KRT6A: variants seen among roughly 807,000 people sequenced by gnomAD.
The protein encoded by KRT6A is keratin, type II cytoskeletal 6A.
A neutral mutation model predicts 48.6 loss-of-function variants in KRT6A; 28 were observed. That is an observed-to-expected ratio of 0.58 (90% CI 0.43 to 0.79). The LOEUF is 0.79. Ranked by LOEUF, KRT6A falls within the 30% of genes least tolerant of loss-of-function variation. The probability of loss-of-function intolerance (pLI) is 0.00; values close to 1 mark genes in which losing one functional copy is unlikely to be tolerated. For missense variants in KRT6A, 687 were observed against 724.3 expected (o/e 0.95, Z 0.59); for synonymous variants, 301 against 294.2 (o/e 1.02, Z -0.24).
chr12:52,489,982 G>T lies in KRT6A; in HGVS notation c.1164C>A (p.Ile388=). 5 of 1,614,038 alleles carry T rather than the reference G, an allele frequency of 3.1e-6. No homozygotes were observed. The highest frequency in any genetic ancestry group is 4.2e-6 in the Non-Finnish European group (5 of 1,180,026). The change falls in exon 6 of 9, where the codon ATC becomes ATA. Residue 388 remains isoleucine (I), a synonymous_variant. Transcript: ENST00000330722. ...KQEIAEINRM[I]QRLRSEIDHV... ...GGTCGATCTCAGATCTCAGCCTCTG[G>T]ATCATGCGGTTGATCTCAGCAATCT... is the stretch of plus-strand genomic sequence containing the variant.
rs543024288 is a variant in KRT6A at position 52,490,134 on chromosome 12, C to A, written c.1078-66G>T. 1.8e-4 allele frequency: 288 copies of A among 1,611,392 alleles called. 3 individuals carry two copies. In the South Asian group the frequency reaches 2.9e-3, roughly 16 times the overall value. ...TCTTACCTGGGAGCGATGACTTTCA[C>A]TTGTGTATCATGCATGTCATGAAGT... On this transcript the variant is annotated intron_variant, in intron 5 of 8. Transcript: ENST00000330722.
chr12:52,492,807 G>A lies in KRT6A; in HGVS notation c.382C>T (p.Pro128Ser), dbSNP rs1339399303. Residue 128 changes from proline (P) to serine (S), a missense_variant, in exon 1 of 9, where the codon CCT (proline) becomes TCT (serine). Transcript: ENST00000330722. ...LAGGFGGPGFPVCPPGGIQEV... is the reference protein window; with the variant it reads ...LAGGFGGPGFSVCPPGGIQEV... Reference sequence around the variant, plus strand: ...TGGATGCCTCCAGGGGGGCACACAGGGAAGCCAGGGCCCCCAAAGCCACCA... The same window carrying A: ...TGGATGCCTCCAGGGGGGCACACAGAGAAGCCAGGGCCCCCAAAGCCACCA... The A allele has an allele frequency of 6.2e-7, 1 of 1,612,944 alleles. No individual in the cohort carries two copies. The highest frequency in any genetic ancestry group is 1.7e-5 in the Admixed American group (1 of 59,920).
chr12:52,487,554 G>C lies in KRT6A; in HGVS notation c.*166C>G. 1 of 780,938 alleles carries C rather than the reference G, an allele frequency of 1.3e-6. No individual in the cohort carries two copies. The allele number at this position is 780,938 out of a possible 1,614,324, so 48.4% of individuals were successfully genotyped here. A position where few individuals can be genotyped will look rare whatever the true frequency, so the allele number is the denominator to read the frequency against. On this transcript the variant is annotated 3_prime_UTR_variant, in exon 9 of 9. Coordinates refer to ENST00000330722, the MANE Select transcript of KRT6A (RefSeq NM_005554.4). ...ATGGTGAGCAATGGGTGCTCAGATG[G>C]TATAGAGAGAGAGAGAAGAAGTGAG... is the stretch of plus-strand genomic sequence containing the variant.
rs758579660 is a variant in KRT6A at position 52,488,427 on chromosome 12, G to A, written c.1325C>T (p.Ala442Val). Residue 442 changes from alanine (A) to valine (V), a missense_variant, in exon 7 of 9, where the codon GCC (alanine) becomes GTC (valine). By Grantham distance (64) the Ala-to-Val change is moderately conservative. Transcript: ENST00000330722. Reference sequence around the variant, plus strand: ...CTCCTGGTACTCCTTCAGCAGCCGGGCCAGGTCCTGCTTGGCCTTCTGCAG... The same window carrying A: ...CTCCTGGTACTCCTTCAGCAGCCGGACCAGGTCCTGCTTGGCCTTCTGCAG... Reference protein sequence around the residue: ...DALQKAKQDLARLLKEYQELM... With the variant: ...DALQKAKQDLVRLLKEYQELM... 2.5e-6 allele frequency: 4 copies of A among 1,614,034 alleles called. No homozygotes were observed. The highest frequency in any genetic ancestry group is 2.7e-5 in the African/African-American group (2 of 74,918).
chr12:52,490,637 C>A lies in KRT6A; in HGVS notation c.1009G>T (p.Val337Phe). 1 of 1,614,224 alleles carries A rather than the reference C, an allele frequency of 6.2e-7. No homozygotes were observed. Among genetic ancestry groups the A allele is most frequent in the Non-Finnish European group, 8.5e-7 (1 of 1,180,050 alleles). ...NLDLDSIIAE[V>F]KAQYEEIAQR... ...GCAATCTCCTCATATTGGGCCTTGA[C>A]CTCAGCGATGATGCTGTCCAGGTCC... The change falls in exon 5 of 9, where the codon GTC becomes TTC. Residue 337 changes from valine (V) to phenylalanine (F), a missense_variant. Val to Phe is a conservative substitution (Grantham distance 50). Coordinates refer to ENST00000330722, the MANE Select transcript of KRT6A (RefSeq NM_005554.4).
chr12:52,490,998 C>T lies in KRT6A; in HGVS notation c.817-45G>A, dbSNP rs777758091. 45 of 1,613,768 alleles carry T rather than the reference C, an allele frequency of 2.8e-5. 1 individual carries two copies. Among genetic ancestry groups the T allele is most frequent in the South Asian group, 2.4e-4 (22 of 91,064 alleles). On this transcript the variant is annotated intron_variant, in intron 3 of 8. Transcript: ENST00000330722. ...CCTGGAGTTACCTGAGCTCACCTTT[C>T]CAATCTACCCATCTTCTAGTCTCCA... is the stretch of plus-strand genomic sequence containing the variant.
chr12:52,488,429 C>G lies in KRT6A; in HGVS notation c.1323G>C (p.Leu441=), dbSNP rs1265000016. The change falls in exon 7 of 9, where the codon CTG becomes CTC. Residue 441 remains leucine (L), a synonymous_variant. Transcript: ENST00000330722. Reference sequence around the variant, plus strand: ...CCTGGTACTCCTTCAGCAGCCGGGCCAGGTCCTGCTTGGCCTTCTGCAGGG... The same window carrying G: ...CCTGGTACTCCTTCAGCAGCCGGGCGAGGTCCTGCTTGGCCTTCTGCAGGG... ...EDALQKAKQD[L]ARLLKEYQEL... is the part of the protein sequence containing the mutation. 5.0e-6 allele frequency: 8 copies of G among 1,614,052 alleles called. No individual in the cohort carries two copies. In the Admixed American group the frequency reaches 1.2e-4, roughly 24 times the overall value.
At position 52,487,683 on chromosome 12, in the gene KRT6A, C is replaced by T. The variant is rs1254606181; in HGVS notation, c.*37G>A. 4 of 1,613,752 alleles carry T rather than the reference C, an allele frequency of 2.5e-6. No individual in the cohort carries two copies. In the South Asian group the frequency reaches 4.4e-5, roughly 18 times the overall value. Reference sequence around the variant, plus strand: ...AGAGGGCTCTGCAGCCAGAGAGGGGCCTGAGGACTGTGGGACCGAGAGCTA... The same window carrying T: ...AGAGGGCTCTGCAGCCAGAGAGGGGTCTGAGGACTGTGGGACCGAGAGCTA... On this transcript the variant is annotated 3_prime_UTR_variant, in exon 9 of 9. Transcript: ENST00000330722.
At position 52,488,470 on chromosome 12, in the gene KRT6A, C is replaced by G; in HGVS notation, c.1282G>C (p.Glu428Gln). ...TTCTGCAGGGCATCCTCCAGCCCTT[C>G]CAGCTTGTTCTTGGCATCCTTGAGG... ...MALKDAKNKLEGLEDALQKAK... is the reference protein window; with the variant it reads ...MALKDAKNKLQGLEDALQKAK... Residue 428 changes from glutamate to glutamine, a missense_variant, in exon 7 of 9, where the codon GAA becomes CAA. Glu to Gln is a conservative substitution (Grantham distance 29). This residue lies in a region of KRT6A where 566 missense variants were observed against 565.3 expected (regional missense o/e 1.00). Coordinates refer to ENST00000330722, the MANE Select transcript of KRT6A (RefSeq NM_005554.4). 1 of 1,614,148 alleles carries G rather than the reference C, an allele frequency of 6.2e-7. No individual in the cohort carries two copies. The highest frequency in any genetic ancestry group is 8.5e-7 in the Non-Finnish European group (1 of 1,180,026).
At chr12:52,492,234 G>A (rs1938280822) in intron 1 of KRT6A, among the ~76,000 whole-genome samples, 1 of 146,868 alleles carries the variant, frequency 6.8e-6, no homozygotes. Flanking sequence ...ACGTATAAAC[G>A]TTTTAAGTCT....
chr12:52,492,521 T>C, intron 1 of KRT6A, 128 bp downstream of exon 1: 1 of 1,544,660 alleles, frequency 6.5e-7, no homozygotes, highest in Non-Finnish European at 8.9e-7. Flanking sequence ...CCAGCAGCCA[T>C]CTGCACTCTC....
rs776832787 is a variant in KRT6A, at chr12:52,491,150, G to T, written c.778C>A (p.Arg260Ser). 1.9e-6 allele frequency: 3 copies of T among 1,613,894 alleles called. No individual in the cohort carries two copies. Among genetic ancestry groups the T allele is most frequent in the Non-Finnish European group, 1.7e-6 (2 of 1,179,864 alleles). The change falls in exon 3 of 9, where the codon CGC becomes AGC. Residue 260 changes from arginine to serine, a missense_variant. By Grantham distance (110) the Arg-to-Ser change is moderately radical. This residue lies in a region of KRT6A where 566 missense variants were observed against 565.3 expected (regional missense o/e 1.00). Transcript: ENST00000330722. ...KNKYEDEINK[R>S]TAAENEFVTL... ...ACAAATTCATTCTCTGCTGCTGTGC[G>T]CTTGTTGATTTCATCCTCATATCTA... is the stretch of plus-strand genomic sequence containing the variant.
chr12:52,487,441 A>T lies in KRT6A; in HGVS notation c.*279T>A. On this transcript the variant is annotated 3_prime_UTR_variant, in exon 9 of 9. Coordinates refer to ENST00000330722, the MANE Select transcript of KRT6A (RefSeq NM_005554.4). ...TCTTATAATGCTCAGCCTCAGAGAT[A>T]GAACACTGGAGGCAAGAAATTAATA... 4 of 518,888 alleles carry T rather than the reference A, an allele frequency of 7.7e-6. No homozygotes were observed. Among genetic ancestry groups the T allele is most frequent in the Non-Finnish European group, 1.4e-5 (4 of 288,628 alleles). The allele number at this position is 518,888 out of a possible 1,614,324, so 32.1% of individuals were successfully genotyped here.
rs1374836864 is a variant in KRT6A at position 52,491,262 on chromosome 12, A to G, written c.756-90T>C. The G allele has an allele frequency of 2.5e-6, 4 of 1,607,354 alleles. No homozygotes were observed. The Admixed American group carries it at 5.0e-5, about 20-fold the overall frequency. ...GGGATTCAACATTTTCCCGAATGGA[A>G]TATATTCTAATTGGGCTTTCCTGCC... On this transcript the variant is annotated intron_variant, in intron 2 of 8. Coordinates refer to ENST00000330722, the MANE Select transcript of KRT6A (RefSeq NM_005554.4).
chr12:52,487,962 TG>T lies in KRT6A; in HGVS notation c.1460-8del. The T allele has an allele frequency of 6.2e-7, 1 of 1,613,972 alleles. No individual in the cohort carries two copies. ...ACGGTGGACTGCACCACAGCTGTGA[TG>T]GGGAGGGGACAAGGACACAAGAAGC... On this transcript the variant is annotated splice_polypyrimidine_tract_variant and splice_region_variant and intron_variant, in intron 8 of 8. Coordinates refer to ENST00000330722, the MANE Select transcript of KRT6A (RefSeq NM_005554.4).
chr12:52,487,886 C>T lies in KRT6A; in HGVS notation c.1529G>A (p.Gly510Asp), dbSNP rs1195451609. Residue 510 changes from glycine to aspartate, a missense_variant, in exon 9 of 9, where the codon GGT becomes GAT. Around this residue, in one of 3 missense-constraint regions of KRT6A, gnomAD observed 566 missense variants for 565.3 expected, o/e 1.00. Coordinates refer to ENST00000330722, the MANE Select transcript of KRT6A (RefSeq NM_005554.4). ...ASGVGSGLGL[G>D]GGSSYSYGSG... ...GCCATAGGAGTAGCTGCTTCCTCCA[C>T]CCAGGCCTAAGCCACTGCCGACACC... 6 of 1,613,966 alleles carry T rather than the reference C, an allele frequency of 3.7e-6. No homozygotes were observed. The Admixed American group carries it at 6.7e-5, about 18-fold the overall frequency.
intron 3 of KRT6A, 39 bp from the exon 4 acceptor site, chr12:52,490,992 A>G: frequency 3.7e-6 from 6 of 1,613,810 alleles, no homozygotes; most frequent in Non-Finnish European, 5.1e-6. Flanking sequence ...ACCTGAGCTC[A>G]CCTTTCCAAT....
intron 6 of KRT6A, 176 bp downstream of exon 6, chr12:52,489,767 T>A: frequency 9.6e-7 from 1 of 1,042,886 alleles, no homozygotes; most frequent in Non-Finnish European, 1.4e-6. Flanking sequence ...GTTTGTGTCA[T>A]GCCATAGGTA....
At chr12:52,490,246 C>T in intron 5 of KRT6A, 178 bp from the exon 6 acceptor site, 7 of 1,240,758 alleles carry the variant, frequency 5.6e-6, no homozygotes, top group Non-Finnish European at 8.0e-6. Flanking sequence ...CACAGACCAT[C>T]CTCATTATGG....
Sources: allele counts gnomAD v4.1 joint callset (sites outside exome capture counted in the v4.1 genomes callset), GRCh38; gene constraint gnomAD v4.1.1; regional missense constraint gnomAD v4.1.1; transcripts MANE v1.5; gene names NCBI Gene and HGNC (gene_info 2026-07-23, HGNC 2026-07-21).